Variants in CDH2 observed in about 807,000 individuals in gnomAD.
CDH2 encodes cadherin 2, also known as cadherin-2.
CDH2 carries 17 observed loss-of-function variants against 92.0 expected under a neutral mutation model. The ratio of observed to expected loss-of-function variants is 0.18; its 90% confidence interval spans 0.13 to 0.28. The LOEUF (loss-of-function observed/expected upper bound fraction) is 0.28. Ranked by LOEUF, CDH2 falls within the 10% of genes least tolerant of loss-of-function variation. The pLI is 1.00. For synonymous variants in CDH2, 419 were observed against 415.9 expected, an observed-to-expected ratio of 1.01 and a Z score of -0.09; for missense variants, 862 against 1,133.1, an observed-to-expected ratio of 0.76 and a Z score of 3.44.
chr18:28,077,426 A>G (rs768805087), intron 2 of CDH2, among the ~76,000 whole-genome samples: 7 of 152,340 alleles, frequency 4.6e-5, no homozygotes, highest in Middle Eastern at 3.4e-3. Flanking sequence ...AAAAATAATC[A>G]GTGCAAGAAC....
intron 5 of CDH2, 71 bp downstream of exon 5, chr18:28,009,646 G>C: frequency 1.5e-6 from 2 of 1,375,848 alleles, no homozygotes; most frequent in Non-Finnish European, 2.0e-6. Context: ...ACTGATATAA[G>C]AGGCAATGGT....
chr18:28,106,540 A>C (rs1217559353), intron 2 of CDH2, among the ~76,000 whole-genome samples: 3 of 151,406 alleles, frequency 2.0e-5, no homozygotes, highest in Non-Finnish European at 4.4e-5. Flanking sequence ...AACATTATCC[A>C]GTACAGTTAA....
chr18:28,160,664 A>C (rs1003502918), intron 1 of CDH2, among the ~76,000 whole-genome samples: 3 of 152,196 alleles, frequency 2.0e-5, no homozygotes, highest in Admixed American at 2.0e-4. Context: ...GTGGGGCCCG[A>C]GACTGAAAAC....
At chr18:28,068,786 A>G (rs1175945481) in intron 2 of CDH2, among the ~76,000 whole-genome samples, 1 of 152,214 alleles carries the variant, frequency 6.6e-6, no homozygotes, top group Non-Finnish European at 1.5e-5. Flanking sequence ...GAACTAACTC[A>G]TTAAGGTGAA....
chr18:28,132,868 C>T (rs17494892), intron 2 of CDH2, among the ~76,000 whole-genome samples: 3 of 152,162 alleles, frequency 2.0e-5, no homozygotes, highest in Non-Finnish European at 4.4e-5. Flanking sequence ...CTAGATGACT[C>T]GCACCCTATC....
rs563483671 is a variant in CDH2, at chr18:28,167,813, A to G, written c.60+9150T>C. Reference sequence around the variant, plus strand: ...TGAATTTTGAGTTCCCTAAAATATCATATCAGGTAGCAGGATATTAGAACT... The same window carrying G: ...TGAATTTTGAGTTCCCTAAAATATCGTATCAGGTAGCAGGATATTAGAACT... On this transcript the variant is annotated intron_variant, in intron 1 of 15. Coordinates refer to ENST00000269141, the MANE Select transcript of CDH2 (RefSeq NM_001792.5). Among the ~76,000 whole-genome samples, 139 of 152,296 alleles carry G rather than the reference A, an allele frequency of 9.1e-4. 1 individual carries two copies. In the Middle Eastern group the frequency reaches 0.02, roughly 22 times the overall value.
chr18:28,082,244 A>C (rs916043912), intron 2 of CDH2, among the ~76,000 whole-genome samples: 1 of 150,696 alleles, frequency 6.6e-6, no homozygotes, highest in Non-Finnish European at 1.5e-5. Flanking sequence ...CTTGTCTCTA[A>C]AAAAAAAAAT....
intron 4 of CDH2, 62 bp downstream of exon 4, chr18:28,011,784 G>A: frequency 6.7e-7 from 1 of 1,495,972 alleles, no homozygotes; most frequent in Non-Finnish European, 9.2e-7. Flanking sequence ...AAAATAGACA[G>A]AAATATTTTT....
At chr18:27,986,419 C>A (rs902937288) in intron 11 of CDH2, among the ~76,000 whole-genome samples, 8 of 152,170 alleles carry the variant, frequency 5.3e-5, no homozygotes, top group African/African-American at 1.9e-4. Context: ...CATGGCCACA[C>A]ACTCTTGTAA....
chr18:28,043,890 ATTTTTTTTTTTTTTTT>A (rs67532914), intron 2 of CDH2, among the ~76,000 whole-genome samples: 1,048 of 91,484 alleles, frequency 0.011, 17 homozygotes, highest in African/African-American at 0.028. Flanking sequence ...AGAATCTCGG[ATTTTTTTTTTTTTTTT>A]TTTTTTTTTT....
chr18:27,942,273 A>G (rs879817810), intron 6 of CDH2, among the ~76,000 whole-genome samples: 2 of 152,228 alleles, frequency 1.3e-5, no homozygotes, highest in Non-Finnish European at 2.9e-5. Flanking sequence ...TTTGAGAGTG[A>G]AACATTTTCT....
At chr18:28,133,878 G>T (rs980835715) in intron 2 of CDH2, among the ~76,000 whole-genome samples, 1 of 152,068 alleles carries the variant, frequency 6.6e-6, no homozygotes, top group Non-Finnish European at 1.5e-5. Context: ...GTATTTCTGG[G>T]CCAGGCACAG....
chr18:27,997,602 G>C (rs568722351), intron 7 of CDH2, among the ~76,000 whole-genome samples: 6 of 152,274 alleles, frequency 3.9e-5, no homozygotes, highest in African/African-American at 1.4e-4. Flanking sequence ...CAGGTAGAGG[G>C]ACAGCAGGGC....
At chr18:27,998,475 T>C (rs2012659585) in intron 7 of CDH2, among the ~76,000 whole-genome samples, 1 of 152,188 alleles carries the variant, frequency 6.6e-6, no homozygotes, top group Admixed American at 6.5e-5. Context: ...CAAGAATCTG[T>C]ACCGTTAACC....
intron 12 of CDH2, 42 bp downstream of exon 12, chr18:27,985,484 ATC>A: frequency 1.1e-5 from 14 of 1,295,758 alleles, no homozygotes; most frequent in Non-Finnish European, 1.4e-5. Flanking sequence ...AGGCTTCAAA[ATC>A]TCTCAACTGC....
At chr18:28,045,674 C>A (rs1008439960) in intron 2 of CDH2, 2 of 273,992 alleles carry the variant, frequency 7.3e-6, no homozygotes, top group Non-Finnish European at 1.4e-5. Flanking sequence ...AGCCCTCCCC[C>A]ACATGTGTGC....
chr18:28,043,249 G>A (rs745806775), intron 2 of CDH2, among the ~76,000 whole-genome samples: 3 of 151,714 alleles, frequency 2.0e-5, no homozygotes, highest in African/African-American at 7.3e-5. Flanking sequence ...GCTAAGCTAT[G>A]AGGATACAAA....
chr18:28,025,370 T>C (rs1029560040), intron 2 of CDH2, among the ~76,000 whole-genome samples: 2 of 151,628 alleles, frequency 1.3e-5, no homozygotes, highest in African/African-American at 2.4e-5. Flanking sequence ...TACAAAAAAT[T>C]AGCCAGGCGT....
At chr18:28,132,571 T>C (rs1437678203) in intron 2 of CDH2, among the ~76,000 whole-genome samples, 1 of 152,040 alleles carries the variant, frequency 6.6e-6, no homozygotes, top group African/African-American at 2.4e-5. Flanking sequence ...ATCTCACTGA[T>C]CCAAAGGGGT....
Sources: allele counts gnomAD v4.1 joint callset (sites outside exome capture counted in the v4.1 genomes callset), GRCh38; gene constraint gnomAD v4.1.1; transcripts MANE v1.5; gene names NCBI Gene and HGNC (gene_info 2026-07-23, HGNC 2026-07-21).